Variants in LAMA2 observed in about 807,000 individuals in gnomAD.
LAMA2 encodes the protein laminin subunit alpha 2, also known as laminin subunit alpha-2.
Under a neutral mutation model 364.8 loss-of-function variants are expected in LAMA2, and 269 were observed. The ratio of observed to expected loss-of-function variants is 0.74; its 90% CI spans 0.67 to 0.82. The LOEUF (loss-of-function observed/expected upper bound fraction) is 0.82, where lower values mean the gene tolerates loss of function less well. LAMA2 is among the 40% of genes least tolerant of loss of function. The probability of loss-of-function intolerance (pLI) is 0.00; values close to 1 mark genes in which losing one functional copy is unlikely to be tolerated. For synonymous variants in LAMA2, 1,379 were observed against 1,370.6 expected, an observed-to-expected ratio of 1.01 and a Z score of -0.14; for missense variants, 3,807 against 3,873.2, an observed-to-expected ratio of 0.98 and a Z score of 0.45.
chr6:129,187,476 CAACTT>C (rs906117363), intron 10 of LAMA2, among the ~76,000 whole-genome samples: 1 of 151,706 alleles, frequency 6.6e-6, no homozygotes, highest in African/African-American at 2.4e-5. Flanking sequence ...CTGCTACTGT[CAACTT>C]AAGTTACTCA....
At position 129,280,059 on chromosome 6, in the gene LAMA2, A is replaced by G. The variant is rs993196576; in HGVS notation, c.2451-2A>G. 3.4e-5 allele frequency: 54 copies of G among 1,609,172 alleles called. No homozygotes were observed. The highest frequency in any genetic ancestry group is 1.6e-4 in the Middle Eastern group (1 of 6,070). On this transcript the variant is annotated splice_acceptor_variant, in intron 17 of 64. Coordinates refer to ENST00000421865, the MANE Select transcript of LAMA2 (RefSeq NM_000426.4). LOFTEE classifies it high-confidence loss of function. The stretch of plus-strand genomic sequence containing the variant: ...CTGTTTTCCGCAACAACATCAACAT[A>G]GCTTTAGCCCAACGTGCCATTTAGA...
chr6:129,502,532 G>A (rs1382504080), intron 58 of LAMA2, 127 bp from the exon 59 acceptor site: 2 of 707,876 alleles, frequency 2.8e-6, no homozygotes, highest in African/African-American at 1.8e-5. Flanking sequence ...GTAGACTACA[G>A]AGATGAATAA....
chr6:129,076,031 A>G lies in LAMA2; in HGVS notation c.396+16135A>G, dbSNP rs1773612491. ...GGTCCAGGAGGTCAAGGCTGCAGTG[A>G]GCCATATTCATGTCTCTGCACTCCA... On this transcript the variant is annotated intron_variant, in intron 3 of 64. Transcript: ENST00000421865. Among the ~76,000 whole-genome samples the G allele has an allele frequency of 3.9e-5, 6 of 152,116 alleles. No homozygotes were observed. In the South Asian group the frequency reaches 1.2e-3, roughly 31 times the overall value.
rs886061040 is a variant in LAMA2, at chr6:128,883,359, T to TA, written c.112+3dup. On this transcript the variant is annotated splice_region_variant and intron_variant, in intron 1 of 64. Transcript: ENST00000421865. ...AGTCACAGGCACATCAGCAAAGAGG[T>TA]ACAGTCGAGGCATGGGCTTGGGTTG... 5.7e-6 allele frequency: 9 copies of TA among 1,591,558 alleles called. No individual in the cohort carries two copies. Among genetic ancestry groups the TA allele is most frequent in the Non-Finnish European group, 7.7e-6 (9 of 1,169,240 alleles).
At chr6:129,370,513 A>G (rs1195343135) in intron 34 of LAMA2, among the ~76,000 whole-genome samples, 1 of 152,234 alleles carries the variant, frequency 6.6e-6, no homozygotes, top group Non-Finnish European at 1.5e-5. Context: ...TTTTTAAAGA[A>G]TTGGAAATTT....
Position 129,192,794 on chromosome 6 carries a change from C to T in LAMA2, c.1723C>T (p.Arg575Trp), listed in dbSNP as rs1326508623. ...QQISISNAEARQALPHSYYWS... is the reference protein window; with the variant it reads ...QQISISNAEAWQALPHSYYWS... ...GATCAGCATCAGTAACGCGGAGGCC[C>T]GGCAAGCCCTGCCGCACAGCTACTA... is the stretch of plus-strand genomic sequence containing the variant. The change falls in exon 12 of 65, where the codon CGG becomes TGG. Residue 575 changes from arginine (R) to tryptophan (W), a missense_variant. Transcript: ENST00000421865. 2 of 1,614,170 alleles carry T rather than the reference C, an allele frequency of 1.2e-6. No homozygotes were observed. Among genetic ancestry groups the T allele is most frequent in the Admixed American group, 1.7e-5 (1 of 60,024 alleles).
intron 1 of LAMA2, among the ~76,000 whole-genome samples, chr6:129,031,702 T>G (rs1171006071): frequency 6.6e-6 from 1 of 152,222 alleles, no homozygotes; most frequent in East Asian, 1.9e-4. Flanking sequence ...TTTAAAATGT[T>G]ATTTTTGTTG....
intron 62 of LAMA2, among the ~76,000 whole-genome samples, chr6:129,508,760 G>A (rs543797226): frequency 1.4e-4 from 22 of 152,088 alleles, no homozygotes; most frequent in South Asian, 1.2e-3. Context: ...TTCTTTATCC[G>A]TTCATCTGCT....
At chr6:129,065,383 C>G (rs931347903) in intron 3 of LAMA2, among the ~76,000 whole-genome samples, 1 of 152,016 alleles carries the variant, frequency 6.6e-6, no homozygotes, top group Admixed American at 6.6e-5. Flanking sequence ...TTCTATTTGG[C>G]ATAATACTGG....
intron 36 of LAMA2, among the ~76,000 whole-genome samples, chr6:129,392,758 T>C (rs1377491551): frequency 6.6e-6 from 1 of 152,226 alleles, no homozygotes; most frequent in African/African-American, 2.4e-5. Context: ...ATCTTAAAAC[T>C]CATTTCATCA....
intron 36 of LAMA2, among the ~76,000 whole-genome samples, chr6:129,392,741 G>A (rs940160232): frequency 6.6e-6 from 1 of 152,174 alleles, no homozygotes; most frequent in Non-Finnish European, 1.5e-5. Context: ...TTTGGTATGT[G>A]AAGTGAATCT....
intron 45 of LAMA2, among the ~76,000 whole-genome samples, chr6:129,450,915 A>G (rs1239330191): frequency 6.6e-6 from 1 of 152,192 alleles, no homozygotes; most frequent in Admixed American, 6.5e-5. Flanking sequence ...AATTTTCTCA[A>G]TGCCAAGGTC....
chr6:129,226,863 A>G (rs185950114), intron 12 of LAMA2, among the ~76,000 whole-genome samples: 1 of 152,114 alleles, frequency 6.6e-6, no homozygotes, highest in East Asian at 1.9e-4. Context: ...TGTTTCCTGA[A>G]TTTGAATGTT....
intron 1 of LAMA2, among the ~76,000 whole-genome samples, chr6:129,045,691 T>A (rs1432242228): frequency 1.3e-5 from 2 of 152,216 alleles, no homozygotes; most frequent in African/African-American, 2.4e-5. Context: ...TTATGTGGGA[T>A]AATTGGTACA....
intron 43 of LAMA2, chr6:129,442,103 G>T (rs570221642): frequency 3.5e-5 from 24 of 685,488 alleles, no homozygotes; most frequent in African/African-American, 5.6e-5. Flanking sequence ...CAACATTTTT[G>T]GGGGGGTATC....
chr6:129,421,470 G>T (rs1050487543), intron 40 of LAMA2, among the ~76,000 whole-genome samples: 5 of 151,846 alleles, frequency 3.3e-5, no homozygotes, highest in Non-Finnish European at 7.4e-5. Flanking sequence ...ATATGCTGTA[G>T]ACACAGCTCA....
intron 21 of LAMA2, among the ~76,000 whole-genome samples, chr6:129,298,970 C>A (rs1327004226): frequency 2.6e-5 from 4 of 151,842 alleles, no homozygotes; most frequent in Non-Finnish European, 4.4e-5. Context: ...TTCTTTAAAT[C>A]CAAAGCTCAC....
rs533447565 is a variant in LAMA2, at chr6:129,351,515, T to C, written c.4524-1649T>C. Among the ~76,000 whole-genome samples the C allele has an allele frequency of 8.5e-5, 13 of 152,326 alleles. No homozygotes were observed. The East Asian group carries it at 2.3e-3, about 27-fold the overall frequency. On this transcript the variant is annotated intron_variant, in intron 31 of 64. Coordinates refer to ENST00000421865, the MANE Select transcript of LAMA2 (RefSeq NM_000426.4). ...GTTATATTTCTCTGAAAAATTGCTT[T>C]ATTCAGCTATATTAAACCAAAGTTC... is the stretch of plus-strand genomic sequence containing the variant.
intron 55 of LAMA2, among the ~76,000 whole-genome samples, chr6:129,484,589 A>C (rs2114845682): frequency 6.6e-6 from 1 of 152,298 alleles, no homozygotes; most frequent in East Asian, 1.9e-4. Context: ...ATCAAGGAAT[A>C]AGAAAAAGGA....
Sources: allele counts gnomAD v4.1 joint callset (sites outside exome capture counted in the v4.1 genomes callset), GRCh38; gene constraint gnomAD v4.1.1; transcripts MANE v1.5; gene names NCBI Gene and HGNC (gene_info 2026-07-23, HGNC 2026-07-21).